The following ABCA12 variants were observed in gnomAD, a reference collection of about 807,000 sequenced individuals.
ABCA12 encodes the protein glucosylceramide transporter ABCA12.
A neutral mutation model predicts 293.5 loss-of-function variants in ABCA12; 156 were observed. That is an observed-to-expected ratio of 0.53 (90% CI 0.47 to 0.61). ABCA12 has a LOEUF of 0.61. Among genes scored for constraint, ABCA12 ranks in the 20% least tolerant of loss-of-function variants. ABCA12 has a pLI of 0.00. For missense variants in ABCA12, 2,797 were observed against 3,090.2 expected (o/e 0.91, Z 2.25); for synonymous variants, 1,063 against 1,108.0 (o/e 0.96, Z 0.81).
intron 19 of ABCA12, among the ~76,000 whole-genome samples, chr2:215,006,197 T>C (rs1700249164): frequency 6.6e-6 from 1 of 152,210 alleles, no homozygotes; most frequent in Admixed American, 6.5e-5. Flanking sequence ...TTCACCACTT[T>C]AGCTAACAAA....
intron 1 of ABCA12, among the ~76,000 whole-genome samples, chr2:215,119,734 T>TAAAAAAAAAAAAAAAAAATAAAAAAAAAA (rs1702763423): frequency 1.3e-5 from 1 of 75,608 alleles, no homozygotes. Context: ...CATTAAAAAG[T>TAAAAAAAAAAAAAAAAAATAAAAAAAAAA]AAAAAAAAAA....
At chr2:215,025,496 A>C in intron 11 of ABCA12, 177 bp downstream of exon 11, 2 of 571,182 alleles carry the variant, frequency 3.5e-6, no homozygotes, top group South Asian at 4.2e-5. Flanking sequence ...TAGAGTCGTA[A>C]GTAGGGCCAT....
chr2:214,954,017 G>C lies in ABCA12; in HGVS notation c.6484C>G (p.Gln2162Glu). Reference sequence around the variant, plus strand: ...TTTAAGAAGTCTAGGACCGACTGTTGTTGAGAAAGTTCAATCAAACCGTAG... The same window carrying C: ...TTTAAGAAGTCTAGGACCGACTGTTCTTGAGAAAGTTCAATCAAACCGTAG... ...FGYGLIELSQ[Q>E]QSVLDFLKAY... Residue 2162 changes from glutamine to glutamate, a missense_variant, in exon 44 of 53, where the codon CAA becomes GAA. Gln to Glu is a conservative substitution (Grantham distance 29). Transcript: ENST00000272895. 1 of 1,614,076 alleles carries C rather than the reference G, an allele frequency of 6.2e-7. No homozygotes were observed. Among genetic ancestry groups the C allele is most frequent in the Non-Finnish European group, 8.5e-7 (1 of 1,179,982 alleles).
intron 2 of ABCA12, among the ~76,000 whole-genome samples, chr2:215,098,143 G>A (rs962221059): frequency 2.0e-5 from 3 of 152,148 alleles, no homozygotes; most frequent in Non-Finnish European, 4.4e-5. Flanking sequence ...GGTATGCCAT[G>A]TGGCATCCTA....
chr2:215,040,603 G>A (rs770577004), intron 7 of ABCA12, among the ~76,000 whole-genome samples: 2 of 152,192 alleles, frequency 1.3e-5, no homozygotes, highest in Admixed American at 1.3e-4. Flanking sequence ...GAGGTCAGGA[G>A]TTCAAGACCA....
intron 7 of ABCA12, among the ~76,000 whole-genome samples, 164 bp from the exon 8 acceptor site, chr2:215,037,229 C>T (rs73072640): frequency 0.024 from 3,666 of 152,248 alleles, 160 homozygotes; most frequent in African/African-American, 0.083. Flanking sequence ...TGTTCATGCA[C>T]AAAATCTCAA....
At chr2:215,132,193 G>A (rs1184916251) in intron 1 of ABCA12, among the ~76,000 whole-genome samples, 2 of 152,064 alleles carry the variant, frequency 1.3e-5, no homozygotes, top group African/African-American at 4.8e-5. Context: ...ATGCACAGAT[G>A]AGAAGAATGT....
At chr2:214,967,097 G>C (rs1455365527) in intron 38 of ABCA12, 144 bp from the exon 39 acceptor site, 1 of 755,656 alleles carries the variant, frequency 1.3e-6, no homozygotes, top group African/African-American at 1.7e-5. Flanking sequence ...ATTATGCACT[G>C]TTCTCTAGAG....
At chr2:215,029,979 C>G (rs1018837000) in intron 9 of ABCA12, among the ~76,000 whole-genome samples, 1 of 152,108 alleles carries the variant, frequency 6.6e-6, no homozygotes, top group Non-Finnish European at 1.5e-5. Context: ...TTACCTTATA[C>G]CAGTATTGCC....
At chr2:214,938,430 T>A (rs1007757344) in intron 50 of ABCA12, among the ~76,000 whole-genome samples, 1 of 152,210 alleles carries the variant, frequency 6.6e-6, no homozygotes, top group African/African-American at 2.4e-5. Context: ...AACATACATG[T>A]GCATGTGTCT....
At chr2:215,074,095 G>A (rs977523327) in intron 2 of ABCA12, among the ~76,000 whole-genome samples, 4 of 152,138 alleles carry the variant, frequency 2.6e-5, no homozygotes, top group African/African-American at 9.6e-5. Context: ...TTTTAGGGTA[G>A]CATTGGATAA....
intron 2 of ABCA12, among the ~76,000 whole-genome samples, chr2:215,100,067 T>A (rs1702325840): frequency 1.3e-5 from 2 of 151,432 alleles, no homozygotes; most frequent in African/African-American, 4.9e-5. Flanking sequence ...AGGCCTGGAG[T>A]ACAGTGGCAC....
intron 20 of ABCA12, among the ~76,000 whole-genome samples, chr2:215,003,191 T>C (rs1238813183): frequency 2.0e-5 from 3 of 152,336 alleles, no homozygotes; most frequent in African/African-American, 7.2e-5. Flanking sequence ...TGCCAAATTC[T>C]GATGCTCTCA....
intron 31 of ABCA12, among the ~76,000 whole-genome samples, chr2:214,979,305 G>T (rs7579341): frequency 2.0e-5 from 3 of 151,874 alleles, no homozygotes; most frequent in Non-Finnish European, 4.4e-5. Context: ...GTTGCTAGAG[G>T]GCTTTGGGTT....
intron 2 of ABCA12, chr2:215,075,632 G>A (rs772352352): frequency 1.6e-5 from 11 of 674,032 alleles, no homozygotes; most frequent in African/African-American, 1.1e-4. Flanking sequence ...AAAAGGAGAT[G>A]AGCATGTTCA....
In ABCA12 at chr2:214,932,544, A is replaced by T. The variant is rs1237833725; in HGVS notation, c.*90T>A. 2 of 943,062 alleles carry T rather than the reference A, an allele frequency of 2.1e-6. No individual in the cohort carries two copies. The highest frequency in any genetic ancestry group is 3.3e-5 in the African/African-American group (2 of 61,276). 58.4% of individuals were successfully genotyped at this position (943,062 alleles called of 1,614,324 possible). The stretch of plus-strand genomic sequence containing the variant: ...ATACAGTATATTACTTTACTTTAAA[A>T]TGAAGATATCTTGCGGAAGTGTATC... On this transcript the variant is annotated 3_prime_UTR_variant, in exon 53 of 53. Transcript: ENST00000272895.
In ABCA12 at chr2:214,975,798, T is replaced by C; in HGVS notation, c.5368A>G (p.Thr1790Ala). The C allele has an allele frequency of 6.2e-7, 1 of 1,613,902 alleles. No homozygotes were observed. Among genetic ancestry groups the C allele is most frequent in the Non-Finnish European group, 8.5e-7 (1 of 1,179,964 alleles). The change falls in exon 34 of 53, where the codon ACA becomes GCA. Residue 1790 changes from threonine to alanine, a missense_variant. Thr to Ala is a moderately conservative substitution (Grantham distance 58). Coordinates refer to ENST00000272895, the MANE Select transcript of ABCA12 (RefSeq NM_173076.3). ...SPSLYGTSEQ[T>A]AFYANYHPST... ...AAAGAAACTTACGCATAGAAGGCTGTCTGTTCGGAGGTACCATAAAGAGAG... is the reference window on the plus strand; with the variant it reads ...AAAGAAACTTACGCATAGAAGGCTGCCTGTTCGGAGGTACCATAAAGAGAG...
chr2:215,069,159 T>C (rs1701688824), intron 2 of ABCA12, among the ~76,000 whole-genome samples: 1 of 148,686 alleles, frequency 6.7e-6, no homozygotes, highest in South Asian at 2.2e-4. Flanking sequence ...AAGAATAGAA[T>C]GATACATTTT....
intron 11 of ABCA12, among the ~76,000 whole-genome samples, chr2:215,024,456 GATACTCTAAT>G (rs1454644168): frequency 6.6e-6 from 1 of 152,204 alleles, no homozygotes; most frequent in Non-Finnish European, 1.5e-5. Flanking sequence ...CAAGAAAGGT[GATACTCTAAT>G]ATTATCGAAG....
Sources: gnomAD v4.1 joint callset for allele counts (sites outside exome capture counted in the v4.1 genomes callset) on GRCh38, gnomAD v4.1.1 for gene constraint, MANE v1.5 for transcripts, NCBI Gene and HGNC (gene_info 2026-07-23, HGNC 2026-07-21) for gene names.